RASIP1: variants seen among roughly 807,000 people sequenced by gnomAD.
RASIP1 encodes ras-interacting protein 1.
Under a neutral mutation model 85.3 loss-of-function variants are expected in RASIP1, and 20 were observed. The ratio of observed to expected loss-of-function variants is 0.23; its 90% confidence interval spans 0.17 to 0.34. The LOEUF is 0.34. RASIP1 is among the 10% of genes least tolerant of loss of function. The pLI, the probability that RASIP1 is intolerant of heterozygous loss-of-function variation, is 1.00. For synonymous variants in RASIP1, 617 were observed against 647.1 expected (o/e 0.95, Z 0.71); for missense variants, 1,170 against 1,390.9 (o/e 0.84, Z 2.53).
intron 8 of RASIP1, among the ~76,000 whole-genome samples, chr19:48,726,372 G>A (rs1019755436): frequency 1.4e-4 from 21 of 152,102 alleles, no homozygotes; most frequent in African/African-American, 4.6e-4. Context: ...GATTATAGGC[G>A]CAGGCCACCA....
In RASIP1 at chr19:48,738,886, C is replaced by T. The variant is rs923424782; in HGVS notation, c.823+74G>A. 11 of 1,128,394 alleles carry T rather than the reference C, an allele frequency of 9.7e-6. No individual in the cohort carries two copies. The highest frequency in any genetic ancestry group is 1.2e-5 in the Non-Finnish European group (11 of 911,580). 69.9% of individuals were successfully genotyped at this position (1,128,394 alleles called of 1,614,324 possible). A position where few individuals can be genotyped will look rare whatever the true frequency, so the allele number is the denominator to read the frequency against. On this transcript the variant is annotated intron_variant, in intron 3 of 11. Coordinates refer to ENST00000222145, the MANE Select transcript of RASIP1 (RefSeq NM_017805.3). This position sits in a 1 kb window ranked among gnomAD's most constrained non-coding sequence, Gnocchi z 4.0. ...GCCAGCCCGCGAGTCCCACAAGCCC[C>T]GCCCAGGCCCCGCCCCACGGACCCC...
At chr19:48,729,718 T>C in intron 4 of RASIP1, 128 bp from the exon 5 acceptor site, 1 of 1,106,282 alleles carries the variant, frequency 9.0e-7, no homozygotes, top group Non-Finnish European at 1.3e-6. Flanking sequence ...TCTTTTTTTT[T>C]TTTTTTTTTT....
At chr19:48,721,565 G>T (rs2033244202) in intron 11 of RASIP1, among the ~76,000 whole-genome samples, 1 of 152,196 alleles carries the variant, frequency 6.6e-6, no homozygotes, top group African/African-American at 2.4e-5. Context: ...CACTTTGGGA[G>T]GCCGAGGCGG....
Position 48,727,313 on chromosome 19 carries a change from T to A in RASIP1, c.1871+80A>T, listed in dbSNP as rs116305088. The stretch of plus-strand genomic sequence containing the variant: ...AGAAGCAGAAACTTGCACTGGGGCA[T>A]GCATGGGGTGAACACAGAACTAGAC... On this transcript the variant is annotated intron_variant, in intron 6 of 11. Transcript: ENST00000222145. 8.2e-4 allele frequency: 1,280 copies of A among 1,561,228 alleles called. 7 individuals carry two copies. In the African/African-American group the frequency reaches 0.015, roughly 19 times the overall value.
intron 4 of RASIP1, 44 bp downstream of exon 4, chr19:48,735,152 T>C: frequency 6.6e-7 from 1 of 1,506,100 alleles, no homozygotes; most frequent in Non-Finnish European, 9.0e-7. Flanking sequence ...CACCAACAGA[T>C]GGGGTATAGG....
In RASIP1 at chr19:48,724,234, T is replaced by A; in HGVS notation, c.2544+103A>T. On this transcript the variant is annotated intron_variant, in intron 10 of 11. Coordinates refer to ENST00000222145, the MANE Select transcript of RASIP1 (RefSeq NM_017805.3). This position sits in a 1 kb window ranked among gnomAD's most constrained non-coding sequence, Gnocchi z 4.6. ...GTCTGAGCTGGGGCTGGGGATGGCA[T>A]GGGGTTCAAGGGGAGCTCTGACGGT... 4.8e-6 allele frequency: 6 copies of A among 1,253,534 alleles called. No individual in the cohort carries two copies. In the South Asian group the frequency reaches 8.9e-5, roughly 19 times the overall value. The allele number at this position is 1,253,534 out of a possible 1,614,324, so 77.7% of individuals were successfully genotyped here.
chr19:48,739,222 G>C lies in RASIP1; in HGVS notation c.561C>G (p.Gly187=). Residue 187 remains glycine (G), a synonymous_variant, in exon 3 of 12, where the codon GGC becomes GGG. Coordinates refer to ENST00000222145, the MANE Select transcript of RASIP1 (RefSeq NM_017805.3). This position sits in a 1 kb window ranked among gnomAD's most constrained non-coding sequence, Gnocchi z 9.2. ...AEALERYGLA[G]SPGGGPGESS... ...TCTCGCCGGGGCCACCGCCGGGGCT[G>C]CCTGCTAGGCCGTAGCGCTCTAGCG... The C allele has an allele frequency of 6.8e-7, 1 of 1,479,580 alleles. No individual in the cohort carries two copies. The highest frequency in any genetic ancestry group is 8.9e-7 in the Non-Finnish European group (1 of 1,122,314). The allele number at this position is 1,479,580 out of a possible 1,614,324, so 91.7% of individuals were successfully genotyped here. A position where few individuals can be genotyped will look rare whatever the true frequency, so the allele number is the denominator to read the frequency against.
At chr19:48,727,474 G>A (rs1317657096) in intron 5 of RASIP1, 44 bp from the exon 6 acceptor site, 2 of 1,592,418 alleles carry the variant, frequency 1.3e-6, no homozygotes, top group Middle Eastern at 3.3e-4. Context: ...GGGATCCACT[G>A]AGGGGCTTAA....
rs375767234 is a variant in RASIP1, at chr19:48,720,747, C to T, written c.*51G>A. On this transcript the variant is annotated 3_prime_UTR_variant, in exon 12 of 12. Transcript: ENST00000222145. ...CTTTGCGCTCAGGCGGGCTCCTGTC[C>T]GTAGAAGCCCGTGACATTTCAAGGT... The T allele has an allele frequency of 3.2e-6, 5 of 1,572,056 alleles. No individual in the cohort carries two copies. The Admixed American group carries it at 6.7e-5, about 21-fold the overall frequency.
chr19:48,737,198 T>C (rs2033589399), intron 3 of RASIP1, among the ~76,000 whole-genome samples: 1 of 152,230 alleles, frequency 6.6e-6, no homozygotes, highest in Admixed American at 6.5e-5. Context: ...AGGCCCTTTA[T>C]ATACATTGAA....
chr19:48,733,242 C>G (rs2033495652), intron 4 of RASIP1, among the ~76,000 whole-genome samples: 1 of 152,132 alleles, frequency 6.6e-6, no homozygotes, highest in Non-Finnish European at 1.5e-5. Context: ...CCAGGCTGGT[C>G]CCAAACTTCT....
At chr19:48,736,423 A>G (rs962538321) in intron 3 of RASIP1, among the ~76,000 whole-genome samples, 5 of 152,142 alleles carry the variant, frequency 3.3e-5, no homozygotes, top group South Asian at 2.1e-4. Flanking sequence ...ACAAAACAAA[A>G]CAAGTATTTA....
In RASIP1 at chr19:48,739,383, CG is replaced by C; in HGVS notation, c.399del (p.Glu134SerfsTer47). On this transcript the variant is annotated frameshift_variant, in exon 3 of 12. Transcript: ENST00000222145. LOFTEE classifies it high-confidence loss of function. The surrounding 1 kb of genome is among the most constrained non-coding windows in gnomAD (Gnocchi z 9.2). ...GTGGCGCGGGTAGCCAGCGGGGGCT[CG>C]GGGGCCACGCCCGCCGCCAGCTCCG... The part of the protein sequence containing the change: ...KLPELAAGVA[P>X]EPPLATRATA... 2.2e-6 allele frequency: 3 copies of C among 1,343,858 alleles called. No individual in the cohort carries two copies. The highest frequency in any genetic ancestry group is 2.8e-6 in the Non-Finnish European group (3 of 1,052,842). The allele number at this position is 1,343,858 out of a possible 1,614,324, so 83.2% of individuals were successfully genotyped here.
chr19:48,740,298 C>A lies in RASIP1; in HGVS notation c.-4-12G>T. 1 of 1,567,224 alleles carries A rather than the reference C, an allele frequency of 6.4e-7. No individual in the cohort carries two copies. On this transcript the variant is annotated splice_polypyrimidine_tract_variant and intron_variant, in intron 1 of 11. Transcript: ENST00000222145. The surrounding 1 kb of genome is among the most constrained non-coding windows in gnomAD (Gnocchi z 5.5). Reference sequence around the variant, plus strand: ...CAGACAGCATGGCCCTAAGGGAAGGCGGGTAAGGCCCCAACTCCTAAGGCA... The same window carrying A: ...CAGACAGCATGGCCCTAAGGGAAGGAGGGTAAGGCCCCAACTCCTAAGGCA...
At position 48,736,035 on chromosome 19, in the gene RASIP1, T is replaced by C. The variant is rs1416775410; in HGVS notation, c.824-484A>G. Among the ~76,000 whole-genome samples the C allele has an allele frequency of 6.6e-5, 10 of 151,466 alleles. No individual in the cohort carries two copies. In the East Asian group the frequency reaches 2.0e-3, roughly 30 times the overall value. ...GGTCTCGGACTGGTCGGTCTCGAAC[T>C]CCTGACCTTGTGATCCTCCCGTCTC... On this transcript the variant is annotated intron_variant, in intron 3 of 11. Transcript: ENST00000222145.
At chr19:48,731,080 G>A (rs1037891851) in intron 4 of RASIP1, among the ~76,000 whole-genome samples, 1 of 151,996 alleles carries the variant, frequency 6.6e-6, no homozygotes, top group Non-Finnish European at 1.5e-5. Flanking sequence ...TTCGAGACCA[G>A]CCTGACCAAC....
chr19:48,729,152 C>T lies in RASIP1; in HGVS notation c.1618G>A (p.Gly540Ser). 1 of 1,320,608 alleles carries T rather than the reference C, an allele frequency of 7.6e-7. No individual in the cohort carries two copies. Among genetic ancestry groups the T allele is most frequent in the Non-Finnish European group, 9.7e-7 (1 of 1,033,496 alleles). 81.8% of individuals were successfully genotyped at this position (1,320,608 alleles called of 1,614,324 possible). The change falls in exon 5 of 12, where the codon GGC (glycine) becomes AGC (serine). Residue 540 changes from glycine (G) to serine (S), a missense_variant. Gly to Ser is a moderately conservative substitution (Grantham distance 56, BLOSUM62 0). This residue lies in a region of RASIP1 where 426 missense variants were observed against 576.2 expected (regional missense o/e 0.74). Transcript: ENST00000222145. The stretch of plus-strand genomic sequence containing the variant: ...CGGAAGCGCAGGACTGGCTCACGGC[C>T]GTCCAGGTAGGCGGCCAGTGCCTCG... ...RGEALAAYLD[G>S]REPVLRFRPR...
Position 48,724,679 on chromosome 19 carries a change from T to A in RASIP1, c.2371+38A>T. ...ATATGACCTGAGTCTCAGTGGCTCC[T>A]GTCTTTGCCTCCCTGACAGCTCCCA... On this transcript the variant is annotated intron_variant, in intron 9 of 11. Coordinates refer to ENST00000222145, the MANE Select transcript of RASIP1 (RefSeq NM_017805.3). The surrounding 1 kb of genome is among the most constrained non-coding windows in gnomAD (Gnocchi z 4.6). 6.2e-7 allele frequency: 1 copy of A among 1,611,578 alleles called. No individual in the cohort carries two copies. Among genetic ancestry groups the A allele is most frequent in the Non-Finnish European group, 8.5e-7 (1 of 1,178,448 alleles).
In RASIP1 at chr19:48,723,486, G is replaced by C. The variant is rs560130629; in HGVS notation, c.2544+851C>G. ...GTGGCAGGAGAATCGCTTGAACTCG[G>C]GAGGCGGAGGTTGGAGTGAGCCGAG... On this transcript the variant is annotated intron_variant, in intron 10 of 11. Coordinates refer to ENST00000222145, the MANE Select transcript of RASIP1 (RefSeq NM_017805.3). Among the ~76,000 whole-genome samples, 3 of 151,764 alleles carry C rather than the reference G, an allele frequency of 2.0e-5. No individual in the cohort carries two copies. In the East Asian group the frequency reaches 5.9e-4, roughly 30 times the overall value.
Sources: allele counts gnomAD v4.1 joint callset (sites outside exome capture counted in the v4.1 genomes callset), GRCh38; gene constraint gnomAD v4.1.1; regional missense constraint gnomAD v4.1.1; non-coding constraint Gnocchi (gnomAD v3.1); transcripts MANE v1.5; gene names NCBI Gene and HGNC (gene_info 2026-07-23, HGNC 2026-07-21).